The following CRLF3 variants were observed in gnomAD, a reference collection of about 807,000 sequenced individuals.
The protein encoded by CRLF3 is cytokine receptor-like factor 3.
CRLF3 carries 33 observed loss-of-function variants against 55.0 expected under a neutral mutation model. That is an observed-to-expected ratio of 0.60 (90% CI 0.46 to 0.80). The LOEUF (loss-of-function observed/expected upper bound fraction) is 0.80, where lower values mean the gene tolerates loss of function less well. Among genes scored for constraint, CRLF3 ranks in the 30% least tolerant of loss-of-function variants. The pLI, the probability that CRLF3 is intolerant of heterozygous loss-of-function variation, is 0.00. For missense variants in CRLF3, 494 were observed against 538.4 expected, an observed-to-expected ratio of 0.92 and a Z score of 0.82; for synonymous variants, 238 against 196.8, an observed-to-expected ratio of 1.21 and a Z score of -1.75.
At chr17:30,816,849 A>AT (rs1375267293) in intron 1 of CRLF3, among the ~76,000 whole-genome samples, 1 of 152,156 alleles carries the variant, frequency 6.6e-6, no homozygotes, top group Non-Finnish European at 1.5e-5. Flanking sequence ...AGTATTCAGT[A>AT]TAGTAACATG....
At chr17:30,803,738 A>C (rs1339790065) in intron 2 of CRLF3, 163 bp downstream of exon 2, 1 of 650,852 alleles carries the variant, frequency 1.5e-6, no homozygotes, top group Non-Finnish European at 2.7e-6. Flanking sequence ...GCCATGTGAG[A>C]TGTGCCTTTC....
intron 1 of CRLF3, among the ~76,000 whole-genome samples, chr17:30,806,631 A>C (rs1304410423): frequency 6.6e-6 from 1 of 152,182 alleles, no homozygotes; most frequent in Admixed American, 6.6e-5. Context: ...GAAGATAAAT[A>C]GGTTGTTTAT....
chr17:30,820,169 G>A (rs1048598800), intron 1 of CRLF3, among the ~76,000 whole-genome samples: 1 of 152,198 alleles, frequency 6.6e-6, no homozygotes, highest in African/African-American at 2.4e-5. Flanking sequence ...AACATTAAGA[G>A]TTAACAGACA....
At chr17:30,794,830 A>G (rs866252006) in intron 4 of CRLF3, among the ~76,000 whole-genome samples, 2 of 152,182 alleles carry the variant, frequency 1.3e-5, no homozygotes, top group East Asian at 1.9e-4. Flanking sequence ...AACAAGGTAC[A>G]TTTAGGCAAA....
intron 1 of CRLF3, among the ~76,000 whole-genome samples, chr17:30,812,258 A>G (rs1401870532): frequency 6.6e-6 from 1 of 152,212 alleles, no homozygotes; most frequent in Non-Finnish European, 1.5e-5. Context: ...CCAAGACATC[A>G]GTCATTAGTA....
chr17:30,800,469 A>G (rs1221233276), intron 2 of CRLF3, among the ~76,000 whole-genome samples: 1 of 152,052 alleles, frequency 6.6e-6, no homozygotes, highest in Admixed American at 6.6e-5. Flanking sequence ...CAAAAACAGC[A>G]CCACTATTTA....
At chr17:30,788,037 AAAG>A (rs1364812163) in intron 6 of CRLF3, among the ~76,000 whole-genome samples, 7 of 147,570 alleles carry the variant, frequency 4.7e-5, no homozygotes, top group Non-Finnish European at 1.0e-4. Flanking sequence ...GGGGAATGAG[AAAG>A]AAAATAGGCC....
chr17:30,788,339 G>A (rs867785319), intron 6 of CRLF3, among the ~76,000 whole-genome samples: 39 of 112,916 alleles, frequency 3.5e-4, no homozygotes, highest in South Asian at 3.4e-3. Context: ...AAAAAAAAAA[G>A]AAAAGAAAAG....
intron 6 of CRLF3, among the ~76,000 whole-genome samples, chr17:30,791,521 A>ATTT (rs879662887): frequency 7.7e-6 from 1 of 130,270 alleles, no homozygotes; most frequent in African/African-American, 2.9e-5. Context: ...GGCCTCTAAA[A>ATTT]TTTTTTTTTT....
intron 1 of CRLF3, among the ~76,000 whole-genome samples, chr17:30,807,365 TTCTC>T (rs1904439344): frequency 6.6e-6 from 1 of 151,868 alleles, no homozygotes; most frequent in South Asian, 2.1e-4. Context: ...ATTCTCTAAA[TTCTC>T]TCTAAATTTA....
intron 6 of CRLF3, among the ~76,000 whole-genome samples, chr17:30,789,993 G>T (rs1216331149): frequency 2.1e-5 from 3 of 145,660 alleles, no homozygotes; most frequent in Non-Finnish European, 3.0e-5. Flanking sequence ...GGTATTAGTT[G>T]TTTTTTTTTT....
At position 30,792,276 on chromosome 17, in the gene CRLF3, A is replaced by G. The variant is rs1971819102; in HGVS notation, c.959+164T>C. On this transcript the variant is annotated intron_variant, in intron 6 of 7. Coordinates refer to ENST00000324238, the MANE Select transcript of CRLF3 (RefSeq NM_015986.4). ...ATCTACGTAATAACCCTGTGAATACAGATGAGAAAACTACAGCTACAGGAA... is the reference window on the plus strand; with the variant it reads ...ATCTACGTAATAACCCTGTGAATACGGATGAGAAAACTACAGCTACAGGAA... The G allele has an allele frequency of 1.4e-5, 8 of 561,294 alleles. No individual in the cohort carries two copies. The Admixed American group carries it at 1.5e-4, about 10-fold the overall frequency. 34.8% of individuals were successfully genotyped at this position (561,294 alleles called of 1,614,324 possible). A position where few individuals can be genotyped will look rare whatever the true frequency, so the allele number is the denominator to read the frequency against.
intron 6 of CRLF3, among the ~76,000 whole-genome samples, chr17:30,791,163 C>T (rs62070637): frequency 0.12 from 17,670 of 152,002 alleles, 1,434 homozygotes; most frequent in Non-Finnish European, 0.18. Context: ...ATTTGCCTCC[C>T]GGGTTCAAGT....
At chr17:30,806,633 G>A (rs1333678942) in intron 1 of CRLF3, among the ~76,000 whole-genome samples, 2 of 152,078 alleles carry the variant, frequency 1.3e-5, no homozygotes, top group African/African-American at 4.8e-5. Flanking sequence ...AGATAAATAG[G>A]TTGTTTATAC....
intron 3 of CRLF3, 102 bp downstream of exon 3, chr17:30,797,209 T>C: frequency 1.2e-6 from 1 of 866,332 alleles, no homozygotes. Flanking sequence ...TTGAAATATA[T>C]ATTCTCTATC....
rs777165678 is a variant in CRLF3, at chr17:30,797,328, C to T, written c.408G>A (p.Ser136=). Residue 136 remains serine (S), a synonymous_variant, in exon 3 of 8, where the codon TCG becomes TCA. Coordinates refer to ENST00000324238, the MANE Select transcript of CRLF3 (RefSeq NM_015986.4). ...TCTTTTACCTGTCCAACTGAATGTG[C>T]GAGGCCTTTTTGGTAAAGCTCCACA... ...EKLWSFTKKA[S]HIQLDSLPEV... is the part of the protein sequence containing the mutation. 1.6e-5 allele frequency: 26 copies of T among 1,613,116 alleles called. No homozygotes were observed. Among genetic ancestry groups the T allele is most frequent in the East Asian group, 1.3e-4 (6 of 44,888 alleles).
At chr17:30,805,758 C>T (rs1183431155) in intron 1 of CRLF3, among the ~76,000 whole-genome samples, 3 of 151,216 alleles carry the variant, frequency 2.0e-5, no homozygotes, top group African/African-American at 7.3e-5. Context: ...TGCAGTGGCT[C>T]ACACCTATGA....
At chr17:30,800,034 A>C (rs567897109) in intron 2 of CRLF3, among the ~76,000 whole-genome samples, 1 of 152,140 alleles carries the variant, frequency 6.6e-6, no homozygotes, top group Non-Finnish European at 1.5e-5. Flanking sequence ...TCAAGATAAC[A>C]CCCATACTAT....
Position 30,783,389 on chromosome 17 carries a change from G to A in CRLF3, c.*798C>T, listed in dbSNP as rs1971546404. 6.6e-6 allele frequency: 1 copy of A among 152,172 alleles called. No homozygotes were observed. The highest frequency in any genetic ancestry group is 1.5e-5 in the Non-Finnish European group (1 of 68,040). The allele number at this position is 152,172 out of a possible 1,614,324, so 9.4% of individuals were successfully genotyped here. A position where few individuals can be genotyped will look rare whatever the true frequency, so the allele number is the denominator to read the frequency against. ...CCTAGCACTTTGGAAGGCTGAGGTG[G>A]GTGGAACACCTGAGGTCAGGAGTTC... On this transcript the variant is annotated 3_prime_UTR_variant, in exon 8 of 8. Transcript: ENST00000324238.
Sources: allele counts gnomAD v4.1 joint callset (sites outside exome capture counted in the v4.1 genomes callset), GRCh38; gene constraint gnomAD v4.1.1; transcripts MANE v1.5; gene names NCBI Gene and HGNC (gene_info 2026-07-23, HGNC 2026-07-21).